Variants in AFF1 observed in about 807,000 individuals in gnomAD.
The protein encoded by AFF1 is AF4/FMR2 family member 1.
A neutral mutation model predicts 121.7 loss-of-function variants in AFF1; 48 were observed. The ratio of observed to expected loss-of-function variants is 0.39; its 90% CI spans 0.31 to 0.50. AFF1 has a LOEUF of 0.50. AFF1 is among the 20% of genes least tolerant of loss of function. AFF1 has a pLI of 0.76. For synonymous variants in AFF1, 613 were observed against 563.0 expected, an observed-to-expected ratio of 1.09 and a Z score of -1.26; for missense variants, 1,523 against 1,511.7, an observed-to-expected ratio of 1.01 and a Z score of -0.12.
chr4:87,007,475 C>T, intron 2 of AFF1: 1 of 1,612,340 alleles, frequency 6.2e-7, no homozygotes. Context: ...GCGAGGGGAG[C>T]TGAAGGTTGC....
At chr4:87,099,479 G>T (rs773389427) in intron 8 of AFF1, among the ~76,000 whole-genome samples, 4 of 152,118 alleles carry the variant, frequency 2.6e-5, no homozygotes, top group Non-Finnish European at 4.4e-5. Flanking sequence ...GGGTGACCTC[G>T]GTTACTGCAA....
intron 1 of AFF1, among the ~76,000 whole-genome samples, chr4:86,947,995 G>A (rs1254338887): frequency 6.6e-6 from 1 of 151,722 alleles, no homozygotes; most frequent in African/African-American, 2.4e-5. Flanking sequence ...TTCTAGTGAG[G>A]ATGCTGACAC....
At chr4:87,016,046 T>C (rs1727260818) in intron 2 of AFF1, among the ~76,000 whole-genome samples, 1 of 152,198 alleles carries the variant, frequency 6.6e-6, no homozygotes, top group Admixed American at 6.5e-5. Flanking sequence ...CTGGGCGTAG[T>C]GGCAGGTGCC....
intron 8 of AFF1, among the ~76,000 whole-genome samples, chr4:87,101,190 G>A (rs184041880): frequency 6.1e-4 from 93 of 152,216 alleles, no homozygotes; most frequent in South Asian, 3.7e-3. Flanking sequence ...AGCCTGCTTC[G>A]TAATTTGTAA....
At chr4:87,013,603 A>AG (rs1727015656) in intron 2 of AFF1, among the ~76,000 whole-genome samples, 1 of 151,464 alleles carries the variant, frequency 6.6e-6, no homozygotes, top group Non-Finnish European at 1.5e-5. Flanking sequence ...GGAGACCTGC[A>AG]GGCCACATGA....
At chr4:86,985,155 A>T (rs1724105923) in intron 2 of AFF1, among the ~76,000 whole-genome samples, 1 of 28,848 alleles carries the variant, frequency 3.5e-5, no homozygotes, top group Non-Finnish European at 2.3e-4. Context: ...TAATATATAA[A>T]AATATAATAT....
intron 2 of AFF1, among the ~76,000 whole-genome samples, chr4:86,967,996 A>G (rs1261615021): frequency 6.6e-6 from 1 of 152,220 alleles, no homozygotes; most frequent in East Asian, 1.9e-4. Flanking sequence ...AGTGGGAACT[A>G]AGTAGCAGAG....
intron 4 of AFF1, among the ~76,000 whole-genome samples, chr4:87,069,095 G>T (rs1721690021): frequency 6.6e-6 from 1 of 152,038 alleles, no homozygotes; most frequent in Non-Finnish European, 1.5e-5. Context: ...TTGCCCCCCT[G>T]TGTTAGGGGC....
At chr4:86,993,003 A>G (rs1724848862) in intron 2 of AFF1, among the ~76,000 whole-genome samples, 3 of 152,228 alleles carry the variant, frequency 2.0e-5, no homozygotes, top group Admixed American at 2.0e-4. Flanking sequence ...CATGAGCTTT[A>G]GACGTAATAA....
At chr4:87,118,973 T>C (rs1157872091) in intron 12 of AFF1, among the ~76,000 whole-genome samples, 1 of 152,186 alleles carries the variant, frequency 6.6e-6, no homozygotes, top group Admixed American at 6.5e-5. Flanking sequence ...TGGTTCACTC[T>C]AGTGGTCCAC....
At chr4:86,963,440 A>G (rs940626683) in intron 2 of AFF1, among the ~76,000 whole-genome samples, 3 of 152,128 alleles carry the variant, frequency 2.0e-5, no homozygotes. Context: ...GAGGGAAGGA[A>G]CTGGGATGGA....
At chr4:86,978,264 A>G (rs887417410) in intron 2 of AFF1, among the ~76,000 whole-genome samples, 8 of 129,818 alleles carry the variant, frequency 6.2e-5, no homozygotes, top group Non-Finnish European at 1.1e-4. Context: ...GCTCACTGCA[A>G]CCTCCACCTC....
At chr4:86,938,428 C>CG in intron 1 of AFF1, among the ~76,000 whole-genome samples, 1 of 144,058 alleles carries the variant, frequency 6.9e-6, no homozygotes, top group Non-Finnish European at 1.5e-5. Context: ...CCAGCCTGGG[C>CG]CACAGAGCAA....
chr4:86,964,966 T>C (rs2149472596), intron 2 of AFF1, among the ~76,000 whole-genome samples: 1 of 152,322 alleles, frequency 6.6e-6, no homozygotes, highest in African/African-American at 2.4e-5. Context: ...AACCAGCAAT[T>C]AATAAGTGAT....
At chr4:87,022,620 G>A (rs1728097322) in intron 2 of AFF1, among the ~76,000 whole-genome samples, 10 of 119,952 alleles carry the variant, frequency 8.3e-5, no homozygotes, top group Admixed American at 7.8e-4. Context: ...ATATCTGTGT[G>A]TGTATATATA....
At chr4:86,987,417 G>C (rs1724374775) in intron 2 of AFF1, among the ~76,000 whole-genome samples, 1 of 152,124 alleles carries the variant, frequency 6.6e-6, no homozygotes, top group Non-Finnish European at 1.5e-5. Context: ...CTCCTGAGCA[G>C]GATCTGAACA....
intron 4 of AFF1, among the ~76,000 whole-genome samples, chr4:87,066,983 T>G (rs1578181508): frequency 6.6e-6 from 1 of 152,242 alleles, no homozygotes; most frequent in African/African-American, 2.4e-5. Flanking sequence ...TGCAGCTGTT[T>G]ACGATTATAT....
At chr4:86,937,637 G>A (rs1180813430) in intron 1 of AFF1, among the ~76,000 whole-genome samples, 1 of 152,070 alleles carries the variant, frequency 6.6e-6, no homozygotes, top group African/African-American at 2.4e-5. Context: ...GCTGGAGTGC[G>A]GTGGCACGAT....
intron 2 of AFF1, among the ~76,000 whole-genome samples, chr4:86,973,341 G>A (rs1304609618): frequency 1.3e-5 from 2 of 152,158 alleles, no homozygotes; most frequent in South Asian, 4.1e-4. Flanking sequence ...AAGGGGGCAG[G>A]ATGAGGGTGA....
Sources: gnomAD v4.1 joint callset for allele counts (sites outside exome capture counted in the v4.1 genomes callset) on GRCh38, gnomAD v4.1.1 for gene constraint, MANE v1.5 for transcripts, NCBI Gene and HGNC (gene_info 2026-07-23, HGNC 2026-07-21) for gene names.